GPCPD1: variants seen among roughly 807,000 people sequenced by gnomAD.
GPCPD1 encodes the protein glycerophosphocholine phosphodiesterase GPCPD1.
In GPCPD1, 29 loss-of-function variants were observed where a neutral mutation model predicts 89.2. The observed-to-expected ratio is 0.33, with a 90% CI of 0.24 to 0.44. GPCPD1 has a LOEUF of 0.44. Ranked by LOEUF, GPCPD1 falls within the 20% of genes least tolerant of loss-of-function variation. The pLI is 1.00. For synonymous variants in GPCPD1, 258 were observed against 266.3 expected (o/e 0.97, Z 0.30); for missense variants, 594 against 808.9 (o/e 0.73, Z 3.22).
intron 3 of GPCPD1, among the ~76,000 whole-genome samples, chr20:5,597,864 T>C (rs1979840739): frequency 6.6e-6 from 1 of 152,224 alleles, no homozygotes; most frequent in South Asian, 2.1e-4. Flanking sequence ...TCAATGCCAC[T>C]AGTGAATACA....
At chr20:5,601,783 A>G (rs932010161) in intron 2 of GPCPD1, among the ~76,000 whole-genome samples, 1 of 152,204 alleles carries the variant, frequency 6.6e-6, no homozygotes, top group Non-Finnish European at 1.5e-5. Flanking sequence ...AATTGGAAAA[A>G]GTAAAATGGG....
In GPCPD1 at chr20:5,547,385, A is replaced by AT. The variant is rs1491469250; in HGVS notation, c.*275dup. 1 of 183,884 alleles carries AT rather than the reference A, an allele frequency of 5.4e-6. No individual in the cohort carries two copies. The highest frequency in any genetic ancestry group is 1.1e-5 in the Non-Finnish European group (1 of 89,676). The allele number at this position is 183,884 out of a possible 1,614,324, so 11.4% of individuals were successfully genotyped here. On this transcript the variant is annotated 3_prime_UTR_variant, in exon 20 of 20. Coordinates refer to ENST00000379019, the MANE Select transcript of GPCPD1 (RefSeq NM_019593.5). Reference sequence around the variant, plus strand: ...TCAAAGTGCTATGCTTTTAATGAACATATGTTTAACATTATAGATTTATAT... The same window carrying AT: ...TCAAAGTGCTATGCTTTTAATGAACATTATGTTTAACATTATAGATTTATAT...
At position 5,591,565 on chromosome 20, in the gene GPCPD1, T is replaced by G. The variant is rs1600784924; in HGVS notation, c.231+1762A>C. ...TCAGCTTTTTAATGCTTTCATTATT[T>G]GTTTTCCTATCATTCTTTATATTCG... On this transcript the variant is annotated intron_variant, in intron 4 of 19. Coordinates refer to ENST00000379019, the MANE Select transcript of GPCPD1 (RefSeq NM_019593.5). Among the ~76,000 whole-genome samples, 4 of 152,248 alleles carry G rather than the reference T, an allele frequency of 2.6e-5. No individual in the cohort carries two copies. In the South Asian group the frequency reaches 8.3e-4, roughly 31 times the overall value.
intron 19 of GPCPD1, chr20:5,549,293 G>A: frequency 1.1e-6 from 1 of 947,946 alleles, no homozygotes; most frequent in South Asian, 1.3e-5. Flanking sequence ...TGTTCTTAAT[G>A]TTAGAGCTAA....
intron 1 of GPCPD1, among the ~76,000 whole-genome samples, chr20:5,609,813 T>G (rs1020218484): frequency 1.3e-5 from 2 of 150,988 alleles, no homozygotes; most frequent in African/African-American, 4.9e-5. Context: ...GCTTGTTTGC[T>G]TGGTGTTATT....
intron 1 of GPCPD1, among the ~76,000 whole-genome samples, chr20:5,604,957 AAAAC>A (rs1321031582): frequency 6.6e-6 from 1 of 152,162 alleles, no homozygotes; most frequent in Non-Finnish European, 1.5e-5. Context: ...TGTCTCGAAA[AAAAC>A]AAAACACAAA....
intron 11 of GPCPD1, among the ~76,000 whole-genome samples, chr20:5,572,644 T>C (rs1009430967): frequency 4.3e-4 from 65 of 152,300 alleles, no homozygotes; most frequent in African/African-American, 1.5e-3. Flanking sequence ...AATTAAAAAA[T>C]GAGATGTTCC....
rs117920809 is a variant in GPCPD1 at position 5,562,821 on chromosome 20, A to T, written c.1330-1291T>A. Among the ~76,000 whole-genome samples the T allele has an allele frequency of 1.5e-3, 231 of 152,284 alleles. 7 individuals are homozygous for T. In the East Asian group the frequency reaches 0.042, roughly 27 times the overall value. On this transcript the variant is annotated intron_variant, in intron 15 of 19. Coordinates refer to ENST00000379019, the MANE Select transcript of GPCPD1 (RefSeq NM_019593.5). ...TGTGGGACTTTTTTAATTTTCTCCTATATCTAAAGACTTATTTAACGTATC... is the reference window on the plus strand; with the variant it reads ...TGTGGGACTTTTTTAATTTTCTCCTTTATCTAAAGACTTATTTAACGTATC...
intron 8 of GPCPD1, among the ~76,000 whole-genome samples, chr20:5,577,911 C>A (rs780482929): frequency 2.0e-5 from 3 of 152,194 alleles, no homozygotes; most frequent in Non-Finnish European, 4.4e-5. Flanking sequence ...AATAACCTGG[C>A]ACAAGCTTTA....
intron 6 of GPCPD1, among the ~76,000 whole-genome samples, chr20:5,580,616 C>T (rs1978400295): frequency 1.3e-5 from 2 of 150,708 alleles, no homozygotes; most frequent in Admixed American, 1.3e-4. Flanking sequence ...GTCCCAGCTG[C>T]TTGGGAGGCT....
rs767652737 is a variant in GPCPD1 at position 5,573,947 on chromosome 20, T to C, written c.1024A>G (p.Thr342Ala). 1.3e-6 allele frequency: 2 copies of C among 1,518,376 alleles called. No homozygotes were observed. Among genetic ancestry groups the C allele is most frequent in the East Asian group, 2.2e-5 (1 of 44,446 alleles). 94.1% of individuals were successfully genotyped at this position (1,518,376 alleles called of 1,614,324 possible). The change falls in exon 11 of 20, where the codon ACT becomes GCT. Residue 342 changes from threonine to alanine, a missense_variant. Thr to Ala is a moderately conservative substitution (Grantham distance 58). Transcript: ENST00000379019. ...TAQLAKVQEN[T>A]IASLRNAASH... Reference sequence around the variant, plus strand: ...GCAGCATTTCTTAAAGAAGCAATAGTATTTTCTTGAACTTTAGCCAGCCTG... The same window carrying C: ...GCAGCATTTCTTAAAGAAGCAATAGCATTTTCTTGAACTTTAGCCAGCCTG...
chr20:5,551,675 G>A (rs1985418045), intron 19 of GPCPD1, among the ~76,000 whole-genome samples: 1 of 152,152 alleles, frequency 6.6e-6, no homozygotes, highest in African/African-American at 2.4e-5. Context: ...CCAGGAGCTG[G>A]AGGGTAAGGC....
intron 14 of GPCPD1, among the ~76,000 whole-genome samples, chr20:5,565,282 A>G (rs1986333290): frequency 6.6e-6 from 1 of 151,852 alleles, no homozygotes; most frequent in African/African-American, 2.4e-5. Flanking sequence ...GCTGGAACAC[A>G]GTGGAATGAT....
intron 19 of GPCPD1, chr20:5,549,361 T>G: frequency 8.4e-7 from 1 of 1,185,380 alleles, no homozygotes. Flanking sequence ...CTGTTACACA[T>G]ATAGAGAGGG....
At chr20:5,563,051 C>T (rs540668710) in intron 15 of GPCPD1, among the ~76,000 whole-genome samples, 58 of 151,478 alleles carry the variant, frequency 3.8e-4, no homozygotes, top group Non-Finnish European at 6.9e-4. Context: ...GGCGCGATCT[C>T]GGCTCACTGC....
At chr20:5,604,769 A>G (rs1383567270) in intron 1 of GPCPD1, among the ~76,000 whole-genome samples, 1 of 128,958 alleles carries the variant, frequency 7.8e-6, no homozygotes, top group Admixed American at 8.0e-5. Flanking sequence ...GTGAGGCCTC[A>G]TGTCTACACA....
At chr20:5,562,578 G>A (rs551234732) in intron 15 of GPCPD1, among the ~76,000 whole-genome samples, 6 of 152,244 alleles carry the variant, frequency 3.9e-5, no homozygotes, top group Non-Finnish European at 7.4e-5. Context: ...CACTGTGCCC[G>A]GCAGATTATT....
chr20:5,555,094 G>T (rs1160328513), intron 19 of GPCPD1, among the ~76,000 whole-genome samples: 3 of 152,194 alleles, frequency 2.0e-5, no homozygotes, highest in Non-Finnish European at 4.4e-5. Context: ...TCTTATGGAT[G>T]AGGAAAGAAA....
intron 5 of GPCPD1, 146 bp from the exon 6 acceptor site, chr20:5,584,468 T>TGCCA: frequency 2.1e-6 from 1 of 482,144 alleles, no homozygotes. Context: ...ATATTTATTG[T>TGCCA]AGCCCTCAAT....
Sources: allele counts gnomAD v4.1 joint callset (sites outside exome capture counted in the v4.1 genomes callset), GRCh38; gene constraint gnomAD v4.1.1; transcripts MANE v1.5; gene names NCBI Gene and HGNC (gene_info 2026-07-23, HGNC 2026-07-21).